Variants in CNTN5 observed in about 807,000 individuals in gnomAD.
The protein encoded by CNTN5 is contactin-5.
In CNTN5, 77 loss-of-function variants were observed where a neutral mutation model predicts 129.1. The ratio of observed to expected loss-of-function variants is 0.60; its 90% CI spans 0.50 to 0.72. The LOEUF (loss-of-function observed/expected upper bound fraction) is 0.72, where lower values mean the gene tolerates loss of function less well. CNTN5 is among the 30% of genes least tolerant of loss of function. The pLI is 0.00. For synonymous variants in CNTN5, 509 were observed against 465.6 expected, an observed-to-expected ratio of 1.09 and a Z score of -1.20; for missense variants, 1,478 against 1,328.8, an observed-to-expected ratio of 1.11 and a Z score of -1.75.
At chr11:99,373,039 T>A (rs1037132308) in intron 2 of CNTN5, among the ~76,000 whole-genome samples, 4 of 151,876 alleles carry the variant, frequency 2.6e-5, no homozygotes, top group African/African-American at 9.7e-5. Context: ...TAAAACCCTG[T>A]CTCTACTAAA....
At chr11:99,703,937 T>C (rs1453262231) in intron 3 of CNTN5, among the ~76,000 whole-genome samples, 4 of 150,866 alleles carry the variant, frequency 2.7e-5, no homozygotes, top group Non-Finnish European at 5.9e-5. Context: ...GTAGGTAGAG[T>C]AAGAATGAGA....
At chr11:99,789,971 C>A (rs1235863116) in intron 3 of CNTN5, among the ~76,000 whole-genome samples, 1 of 151,906 alleles carries the variant, frequency 6.6e-6, no homozygotes, top group African/African-American at 2.4e-5. Context: ...TTGTTGCCAT[C>A]TTTATGTCCT....
At chr11:100,112,656 T>C (rs900484840) in intron 13 of CNTN5, among the ~76,000 whole-genome samples, 2 of 152,090 alleles carry the variant, frequency 1.3e-5, no homozygotes, top group Admixed American at 1.3e-4. Flanking sequence ...GTAATAAAAA[T>C]ATGAGAAGAT....
chr11:99,937,307 C>A (rs1467309366), intron 7 of CNTN5, among the ~76,000 whole-genome samples: 1 of 152,102 alleles, frequency 6.6e-6, no homozygotes, highest in Non-Finnish European at 1.5e-5. Flanking sequence ...TGGAGGATAG[C>A]CATATAAATG....
At chr11:100,275,532 T>A (rs1476657217) in intron 18 of CNTN5, among the ~76,000 whole-genome samples, 1 of 151,758 alleles carries the variant, frequency 6.6e-6, no homozygotes, top group Non-Finnish European at 1.5e-5. Flanking sequence ...GGATGAATAA[T>A]CCTTTTCAAC....
intron 1 of CNTN5, among the ~76,000 whole-genome samples, chr11:99,051,964 A>G (rs541163484): frequency 6.6e-6 from 1 of 151,838 alleles, no homozygotes; most frequent in African/African-American, 2.4e-5. Context: ...TTCTTAAAGG[A>G]TGAATTACAT....
intron 3 of CNTN5, among the ~76,000 whole-genome samples, chr11:99,581,950 G>C (rs1241531920): frequency 6.6e-6 from 1 of 152,004 alleles, no homozygotes; most frequent in East Asian, 1.9e-4. Flanking sequence ...GCATGTTTTT[G>C]CAGTGGCTGG....
intron 13 of CNTN5, among the ~76,000 whole-genome samples, chr11:100,141,253 T>C (rs184336533): frequency 2.0e-5 from 3 of 152,126 alleles, no homozygotes; most frequent in African/African-American, 7.2e-5. Flanking sequence ...CTTGCAGTTA[T>C]TGTGATTTCA....
chr11:100,041,438 T>A (rs566824041), intron 9 of CNTN5, among the ~76,000 whole-genome samples: 17 of 152,356 alleles, frequency 1.1e-4, no homozygotes, highest in African/African-American at 3.4e-4. Flanking sequence ...GTACCTTATA[T>A]ATAATTGCTG....
chr11:99,257,846 G>A (rs1862446337), intron 1 of CNTN5, among the ~76,000 whole-genome samples: 1 of 151,936 alleles, frequency 6.6e-6, no homozygotes, highest in South Asian at 2.1e-4. Flanking sequence ...TTTCTGTATT[G>A]TTCTAATGTT....
chr11:100,160,918 A>G (rs1199516546), intron 13 of CNTN5, among the ~76,000 whole-genome samples: 1 of 151,900 alleles, frequency 6.6e-6, no homozygotes, highest in Non-Finnish European at 1.5e-5. Context: ...TATAACCACA[A>G]GGTCACATAA....
chr11:100,124,814 CTG>C (rs1946131878), intron 13 of CNTN5, among the ~76,000 whole-genome samples: 1 of 152,146 alleles, frequency 6.6e-6, no homozygotes, highest in South Asian at 2.1e-4. Flanking sequence ...AGAAATAAAA[CTG>C]TGTACCAATA....
chr11:100,010,190 T>C (rs1940440157), intron 9 of CNTN5, among the ~76,000 whole-genome samples: 1 of 152,128 alleles, frequency 6.6e-6, no homozygotes, highest in South Asian at 2.1e-4. Context: ...ACATTGGTGA[T>C]GTTTTCAACT....
chr11:99,070,330 C>T (rs1370986379), intron 1 of CNTN5, among the ~76,000 whole-genome samples: 1 of 152,098 alleles, frequency 6.6e-6, no homozygotes, highest in Admixed American at 6.5e-5. Context: ...TTTGGTCTCT[C>T]TTTAAAAATT....
chr11:99,265,227 T>C (rs1003216812), intron 1 of CNTN5, among the ~76,000 whole-genome samples: 72 of 152,122 alleles, frequency 4.7e-4, no homozygotes, highest in African/African-American at 1.7e-3. Context: ...TGTTTTTTTC[T>C]TCATGTAGCA....
At chr11:100,047,054 G>T (rs913004125) in intron 9 of CNTN5, among the ~76,000 whole-genome samples, 5 of 152,022 alleles carry the variant, frequency 3.3e-5, no homozygotes, top group Non-Finnish European at 7.4e-5. Flanking sequence ...GTTACACAAA[G>T]AACAACTTCC....
intron 3 of CNTN5, among the ~76,000 whole-genome samples, chr11:99,786,126 C>T (rs558717689): frequency 6.6e-6 from 1 of 152,236 alleles, no homozygotes; most frequent in Admixed American, 6.5e-5. Flanking sequence ...AGCCCCAAAT[C>T]TCCTTAAGCT....
chr11:99,112,028 A>G (rs1857821812), intron 1 of CNTN5, among the ~76,000 whole-genome samples: 2 of 152,080 alleles, frequency 1.3e-5, no homozygotes, highest in Non-Finnish European at 2.9e-5. Flanking sequence ...TAAGTCATCA[A>G]AATTATTTTA....
intron 2 of CNTN5, among the ~76,000 whole-genome samples, chr11:99,362,322 A>G (rs1459293367): frequency 6.6e-6 from 1 of 151,866 alleles, no homozygotes; most frequent in Non-Finnish European, 1.5e-5. Context: ...CCATTCTTTA[A>G]TTGGGTTGTT....
Sources: allele counts gnomAD v4.1 joint callset (sites outside exome capture counted in the v4.1 genomes callset), GRCh38; gene constraint gnomAD v4.1.1; transcripts MANE v1.5; gene names NCBI Gene and HGNC (gene_info 2026-07-23, HGNC 2026-07-21).